The following TANC2 variants were observed in gnomAD, a reference collection of about 807,000 sequenced individuals.
TANC2 encodes the protein protein TANC2.
TANC2 carries 26 observed loss-of-function variants against 210.5 expected under a neutral mutation model. The observed-to-expected ratio is 0.12, with a 90% confidence interval of 0.09 to 0.17. TANC2 has a LOEUF of 0.17. TANC2 is among the 10% of genes least tolerant of loss of function. The probability of loss-of-function intolerance (pLI) is 1.00; values close to 1 mark genes in which losing one functional copy is unlikely to be tolerated. For synonymous variants in TANC2, 931 were observed against 967.1 expected (o/e 0.96, Z 0.69); for missense variants, 2,129 against 2,608.9 (o/e 0.82, Z 4.01).
chr17:63,399,622 T>C (rs1176800739), intron 19 of TANC2, among the ~76,000 whole-genome samples: 1 of 152,172 alleles, frequency 6.6e-6, no homozygotes, highest in African/African-American at 2.4e-5. Flanking sequence ...ACCAGGGCAA[T>C]GAAAACTGTA....
chr17:63,197,375 AC>A (rs1314500787), intron 6 of TANC2, among the ~76,000 whole-genome samples: 1 of 152,158 alleles, frequency 6.6e-6, no homozygotes, highest in Non-Finnish European at 1.5e-5. Context: ...CTATCTTGGA[AC>A]CACACAAGAA....
intron 1 of TANC2, among the ~76,000 whole-genome samples, chr17:63,000,527 C>T (rs1460428943): frequency 6.6e-6 from 1 of 152,062 alleles, no homozygotes; most frequent in African/African-American, 2.4e-5. Context: ...ATTACTTCTC[C>T]TGAATGGTTT....
chr17:63,096,263 G>T (rs184688821), intron 3 of TANC2, among the ~76,000 whole-genome samples: 50 of 152,242 alleles, frequency 3.3e-4, no homozygotes, highest in Middle Eastern at 3.4e-3. Flanking sequence ...AATGTTGGAA[G>T]AGAAGATTTA....
At chr17:63,128,425 T>G (rs1028419785) in intron 4 of TANC2, among the ~76,000 whole-genome samples, 23 of 152,218 alleles carry the variant, frequency 1.5e-4, no homozygotes, top group African/African-American at 5.5e-4. Flanking sequence ...TGAAGGTATT[T>G]TAAAAATCTG....
At chr17:63,367,505 T>G (rs79429798) in intron 14 of TANC2, among the ~76,000 whole-genome samples, 4,257 of 152,242 alleles carry the variant, frequency 0.028, 209 homozygotes, top group African/African-American at 0.094. Flanking sequence ...GCCAAAAGAT[T>G]GGATACCCCT....
intron 2 of TANC2, among the ~76,000 whole-genome samples, chr17:63,043,711 C>T (rs990890033): frequency 6.6e-6 from 1 of 152,068 alleles, no homozygotes; most frequent in South Asian, 2.1e-4. Context: ...AACTTTTCTG[C>T]TACATCTTTC....
chr17:62,988,471 G>T (rs1189382572), intron 1 of TANC2, among the ~76,000 whole-genome samples: 2 of 151,940 alleles, frequency 1.3e-5, no homozygotes, highest in African/African-American at 2.4e-5. Flanking sequence ...TACGTTTTTT[G>T]TAGGTTTTCT....
intron 1 of TANC2, chr17:62,968,684 A>T (rs1224806891): frequency 6.6e-6 from 1 of 152,188 alleles, no homozygotes; most frequent in East Asian, 1.9e-4. Flanking sequence ...TGTGTAAGGG[A>T]AGAAATTGAT....
intron 18 of TANC2, among the ~76,000 whole-genome samples, chr17:63,398,471 AAAG>A (rs1204659877): frequency 6.6e-6 from 1 of 151,708 alleles, no homozygotes; most frequent in East Asian, 1.9e-4. Context: ...AAAAAAAAAG[AAAG>A]AAAAACAGGC....
chr17:62,998,372 C>T (rs779507067), intron 1 of TANC2, among the ~76,000 whole-genome samples: 7 of 152,076 alleles, frequency 4.6e-5, no homozygotes, highest in South Asian at 2.1e-4. Flanking sequence ...AAAATTCCCC[C>T]GACCTCACTA....
chr17:63,256,300 T>C (rs2043194061), intron 8 of TANC2, among the ~76,000 whole-genome samples: 1 of 152,212 alleles, frequency 6.6e-6, no homozygotes, highest in Non-Finnish European at 1.5e-5. Flanking sequence ...TAGTTCTGTT[T>C]CCATTTTAAT....
chr17:63,426,662 C>G (rs563885903), exon 28 of TANC2: 5 of 152,378 alleles, frequency 3.3e-5, no homozygotes, highest in African/African-American at 1.2e-4. Flanking sequence ...TTTCCTCACC[C>G]CATCATCTCA....
chr17:63,141,875 A>T (rs1045981872), intron 4 of TANC2, among the ~76,000 whole-genome samples: 1 of 152,232 alleles, frequency 6.6e-6, no homozygotes, highest in African/African-American at 2.4e-5. Flanking sequence ...ATAAAGCTCT[A>T]TAAGAAAACT....
chr17:63,092,956 G>A (rs1018355981), intron 3 of TANC2, among the ~76,000 whole-genome samples: 10 of 152,232 alleles, frequency 6.6e-5, no homozygotes, highest in Admixed American at 1.3e-4. Flanking sequence ...TCTTGTTCCT[G>A]AGTTAAGAGT....
chr17:63,182,887 C>G (rs753787590), intron 5 of TANC2: 1 of 152,350 alleles, frequency 6.6e-6, no homozygotes. Context: ...TCAACACACT[C>G]ATTTGAACAG....
At chr17:63,137,909 A>T (rs574314139) in intron 4 of TANC2, among the ~76,000 whole-genome samples, 1 of 152,326 alleles carries the variant, frequency 6.6e-6, no homozygotes, top group South Asian at 2.1e-4. Flanking sequence ...TCTCATTTTT[A>T]TGAGTGTCCA....
chr17:63,048,201 CTTCTG>C (rs2035451360), intron 2 of TANC2, among the ~76,000 whole-genome samples: 1 of 152,136 alleles, frequency 6.6e-6, no homozygotes, highest in Non-Finnish European at 1.5e-5. Context: ...GATCTTTCTG[CTTCTG>C]TTCTGTTAAA....
intron 4 of TANC2, among the ~76,000 whole-genome samples, chr17:63,101,633 G>C (rs1173453034): frequency 6.6e-6 from 1 of 152,174 alleles, no homozygotes; most frequent in African/African-American, 2.4e-5. Context: ...GGACCACTAA[G>C]ACCCCTGCCT....
intron 7 of TANC2, among the ~76,000 whole-genome samples, chr17:63,212,021 C>T (rs146258396): frequency 0.046 from 6,934 of 152,152 alleles, 239 homozygotes; most frequent in Non-Finnish European, 0.072. Context: ...TAATGCTATC[C>T]CTCCTCCAGC....
Sources: allele counts gnomAD v4.1 joint callset (sites outside exome capture counted in the v4.1 genomes callset), GRCh38; gene constraint gnomAD v4.1.1; transcripts MANE v1.5; gene names NCBI Gene and HGNC (gene_info 2026-07-23, HGNC 2026-07-21).